CLPTM1: variants seen among roughly 807,000 people sequenced by gnomAD.
The protein encoded by CLPTM1 is putative lipid scramblase CLPTM1.
Under a neutral mutation model 77.3 loss-of-function variants are expected in CLPTM1, and 21 were observed. The observed-to-expected ratio is 0.27, with a 90% CI of 0.19 to 0.39. The LOEUF (loss-of-function observed/expected upper bound fraction) is 0.39. Ranked by LOEUF, CLPTM1 falls within the 10% of genes least tolerant of loss-of-function variation. CLPTM1 has a pLI of 1.00. For missense variants in CLPTM1, 642 were observed against 921.2 expected (o/e 0.70, Z 3.92); for synonymous variants, 373 against 381.0 (o/e 0.98, Z 0.24).
intron 7 of CLPTM1, chr19:44,986,915 G>T: frequency 1.8e-6 from 1 of 545,364 alleles, no homozygotes; most frequent in East Asian, 3.1e-5. Flanking sequence ...TTATAAAACT[G>T]GGTTACATGG....
At chr19:44,954,953 C>T (rs1600000157), upstream of CLPTM1, 3 of 1,531,336 alleles carry the variant, frequency 2.0e-6, no homozygotes, top group East Asian at 4.9e-5. Flanking sequence ...AAAGGTTCCT[C>T]TGACGAAAGA....
At chr19:44,967,518 A>G (rs369614305) in intron 2 of CLPTM1, among the ~76,000 whole-genome samples, 6 of 152,248 alleles carry the variant, frequency 3.9e-5, no homozygotes, top group Middle Eastern at 3.4e-3. Flanking sequence ...TTAGCCGGGC[A>G]TGGCGGCTTA....
chr19:44,981,299 G>T (rs543707478), intron 5 of CLPTM1, among the ~76,000 whole-genome samples: 4 of 152,100 alleles, frequency 2.6e-5, no homozygotes, highest in African/African-American at 9.6e-5. Context: ...GTGTCACCAC[G>T]CCCAGCTAAT....
In CLPTM1 at chr19:44,977,673, C is replaced by T. The variant is rs569425460; in HGVS notation, c.586+213C>T. On this transcript the variant is annotated intron_variant, in intron 5 of 13. Coordinates refer to ENST00000337392, the MANE Select transcript of CLPTM1 (RefSeq NM_001294.4). The stretch of plus-strand genomic sequence containing the variant: ...AGGGATACCCACGGAGGAAGGGAGA[C>T]CCACGGAGGCTCAGGGACCAGAGAG... Among the ~76,000 whole-genome samples the T allele has an allele frequency of 4.6e-5, 7 of 152,246 alleles. No individual in the cohort carries two copies. In the East Asian group the frequency reaches 1.2e-3, roughly 25 times the overall value.
At chr19:44,979,738 G>T (rs1037838831) in intron 5 of CLPTM1, among the ~76,000 whole-genome samples, 1 of 152,064 alleles carries the variant, frequency 6.6e-6, no homozygotes, top group South Asian at 2.1e-4. Context: ...TGTCCCACCC[G>T]GCTGACGTCC....
upstream of CLPTM1, chr19:44,954,932 A>G: frequency 6.7e-7 from 1 of 1,502,432 alleles, no homozygotes; most frequent in Non-Finnish European, 8.9e-7. Flanking sequence ...GAATCAGAAT[A>G]CGGTGGCCAG....
At chr19:44,956,557 C>T (rs924871285) in intron 1 of CLPTM1, among the ~76,000 whole-genome samples, 11 of 152,192 alleles carry the variant, frequency 7.2e-5, no homozygotes, top group African/African-American at 2.2e-4. Context: ...TGAATCTTTT[C>T]AGCATTCTCA....
chr19:44,974,972 C>T (rs1308656086), intron 4 of CLPTM1, among the ~76,000 whole-genome samples: 1 of 152,160 alleles, frequency 6.6e-6, no homozygotes, highest in African/African-American at 2.4e-5. Context: ...GTGCAGGGTA[C>T]TAAGCTAGGC....
chr19:44,970,947 C>A (rs1970708527), intron 2 of CLPTM1, among the ~76,000 whole-genome samples: 2 of 146,098 alleles, frequency 1.4e-5, no homozygotes, highest in Admixed American at 1.3e-4. Context: ...TCTCCTGCCC[C>A]AGCTTCCCGA....
intron 1 of CLPTM1, among the ~76,000 whole-genome samples, chr19:44,957,874 T>C (rs1226895684): frequency 6.6e-6 from 1 of 152,222 alleles, no homozygotes; most frequent in Non-Finnish European, 1.5e-5. Flanking sequence ...TTGCTGATGC[T>C]GGAGATACAG....
At chr19:44,964,298 CTTTTTTTTTT>C (rs35539206) in intron 2 of CLPTM1, among the ~76,000 whole-genome samples, 120 of 68,150 alleles carry the variant, frequency 1.8e-3, no homozygotes, top group Non-Finnish European at 2.9e-3. Flanking sequence ...TCATTTTAAC[CTTTTTTTTTT>C]TTTTTTTTTT....
chr19:44,981,032 C>A (rs1299256818), intron 5 of CLPTM1, among the ~76,000 whole-genome samples: 1 of 151,886 alleles, frequency 6.6e-6, no homozygotes, highest in East Asian at 1.9e-4. Flanking sequence ...TAGTAGAGAC[C>A]AGGTTTCACC....
At position 44,971,648 on chromosome 19, in the gene CLPTM1, G is replaced by A. The variant is rs147060023; in HGVS notation, c.186-1439G>A. 3.9e-3 allele frequency among the ~76,000 whole-genome samples: 592 copies of A among 150,494 alleles called. 6 individuals carry two copies. Among genetic ancestry groups the A allele is most frequent in the African/African-American group, 0.014 (561 of 40,878 alleles). ...ATCACGTCTCACTGCAGCCTTGACC[G>A]TCAGGGCTCAAGTGACTCTCTCACC... is the stretch of plus-strand genomic sequence containing the variant. On this transcript the variant is annotated intron_variant, in intron 2 of 13. Transcript: ENST00000337392.
Position 44,974,456 on chromosome 19 carries a change from C to G in CLPTM1, c.327C>G (p.Ile109Met). Residue 109 changes from isoleucine to methionine, a missense_variant, in exon 4 of 14, where the codon ATC (isoleucine) becomes ATG (methionine). Around this residue, in one of 2 missense-constraint regions of CLPTM1, gnomAD observed 521 missense variants for 800.4 expected, o/e 0.65. Transcript: ENST00000337392. Reference sequence around the variant, plus strand: ...CCCAACAGAACCTGCATGTGTACATCTCAGAGCACGAGCACTTTACAGACT... The same window carrying G: ...CCCAACAGAACCTGCATGTGTACATGTCAGAGCACGAGCACTTTACAGACT... ...KDTLMNLHVY[I>M]SEHEHFTDFN... is the part of the protein sequence containing the mutation. The G allele has an allele frequency of 6.2e-7, 1 of 1,613,938 alleles. No homozygotes were observed. The highest frequency in any genetic ancestry group is 8.5e-7 in the Non-Finnish European group (1 of 1,179,816).
intron 2 of CLPTM1, 103 bp downstream of exon 2, chr19:44,962,178 A>T: frequency 1.9e-6 from 1 of 538,532 alleles, no homozygotes; most frequent in Non-Finnish European, 3.1e-6. Context: ...TCATTACTGT[A>T]TGGTAGAGTT....
Position 44,962,095 on chromosome 19 carries a change from G to A in CLPTM1, c.185+20G>A, listed in dbSNP as rs1171554929. 2.1e-6 allele frequency: 3 copies of A among 1,454,380 alleles called. No homozygotes were observed. Among genetic ancestry groups the A allele is most frequent in the South Asian group, 2.5e-5 (2 of 80,292 alleles). The allele number at this position is 1,454,380 out of a possible 1,614,324, so 90.1% of individuals were successfully genotyped here. ...GTTTAGGTGAGCAGACGGGACTTGG[G>A]TTTGTTCACCGAAAACATTCAAATA... On this transcript the variant is annotated intron_variant, in intron 2 of 13. Coordinates refer to ENST00000337392, the MANE Select transcript of CLPTM1 (RefSeq NM_001294.4).
Position 44,992,421 on chromosome 19 carries a change from G to A in CLPTM1, c.1723+21G>A. 1 of 1,613,794 alleles carries A rather than the reference G, an allele frequency of 6.2e-7. No individual in the cohort carries two copies. The highest frequency in any genetic ancestry group is 8.5e-7 in the Non-Finnish European group (1 of 1,179,824). On this transcript the variant is annotated intron_variant, in intron 13 of 13. Coordinates refer to ENST00000337392, the MANE Select transcript of CLPTM1 (RefSeq NM_001294.4). This position sits in a 1 kb window ranked among gnomAD's most constrained non-coding sequence, Gnocchi z 7.7. ...GGACGGTGAGGCCCGGTGGGCAGGT[G>A]GGAGCTCCCACCGGAACAGGGCCCT...
intron 4 of CLPTM1, among the ~76,000 whole-genome samples, chr19:44,974,994 A>G (rs1268263723): frequency 2.0e-5 from 3 of 152,216 alleles, no homozygotes; most frequent in Admixed American, 1.3e-4. Flanking sequence ...GACTCATGGA[A>G]ATTTCCCGGC....
intron 2 of CLPTM1, among the ~76,000 whole-genome samples, chr19:44,972,878 C>T (rs556628175): frequency 1.7e-4 from 26 of 152,078 alleles, no homozygotes; most frequent in Admixed American, 7.2e-4. Context: ...CACTGGCAAA[C>T]GGTGGCATCT....
Sources: gnomAD v4.1 joint callset for allele counts (sites outside exome capture counted in the v4.1 genomes callset) on GRCh38, gnomAD v4.1.1 for gene constraint, gnomAD v4.1.1 regional missense constraint, Gnocchi (gnomAD v3.1) non-coding constraint, MANE v1.5 for transcripts, NCBI Gene and HGNC (gene_info 2026-07-23, HGNC 2026-07-21) for gene names.